CEP70: variants seen among roughly 807,000 people sequenced by gnomAD.
CEP70 encodes centrosomal protein of 70 kDa.
Under a neutral mutation model 90.9 loss-of-function variants are expected in CEP70, and 70 were observed. The observed-to-expected ratio is 0.77, with a 90% CI of 0.64 to 0.94. CEP70 has a LOEUF of 0.94. Ranked by LOEUF, CEP70 falls within the 40% of genes least tolerant of loss-of-function variation. CEP70 has a pLI of 0.00. For synonymous variants in CEP70, 220 were observed against 228.3 expected (o/e 0.96, Z 0.33); for missense variants, 648 against 669.0 (o/e 0.97, Z 0.35).
intron 6 of CEP70, among the ~76,000 whole-genome samples, chr3:138,539,348 T>C (rs778188068): frequency 6.6e-6 from 1 of 152,200 alleles, no homozygotes; most frequent in Non-Finnish European, 1.5e-5. Context: ...TCATGTTATA[T>C]CTCTATATTC....
chr3:138,560,537 T>C (rs570652560), intron 6 of CEP70, among the ~76,000 whole-genome samples: 1 of 151,560 alleles, frequency 6.6e-6, no homozygotes, highest in South Asian at 2.1e-4. Context: ...TTTGCTCCCC[T>C]GGAAAGGGGA....
intron 6 of CEP70, among the ~76,000 whole-genome samples, chr3:138,549,932 C>T (rs978544392): frequency 2.0e-4 from 30 of 152,094 alleles, no homozygotes; most frequent in African/African-American, 7.2e-4. Flanking sequence ...GCCTGGTAGC[C>T]CTTCTGGGTG....
At chr3:138,534,493 A>G (rs570532376) in intron 7 of CEP70, among the ~76,000 whole-genome samples, 21 of 152,324 alleles carry the variant, frequency 1.4e-4, no homozygotes, top group Non-Finnish European at 2.9e-5. Context: ...AGTGATTGTA[A>G]CCAATTATCT....
At chr3:138,503,589 T>C (rs2034712252) in intron 13 of CEP70, among the ~76,000 whole-genome samples, 1 of 152,214 alleles carries the variant, frequency 6.6e-6, no homozygotes, top group South Asian at 2.1e-4. Context: ...GTAGTATTAA[T>C]ATCTGAAGCA....
At position 138,500,643 on chromosome 3, in the gene CEP70, A is replaced by G; in HGVS notation, c.1369-76T>C. 7 of 1,504,648 alleles carry G rather than the reference A, an allele frequency of 4.7e-6. No individual in the cohort carries two copies. The South Asian group carries it at 9.5e-5, about 20-fold the overall frequency. 93.2% of individuals were successfully genotyped at this position (1,504,648 alleles called of 1,614,324 possible). ...CCAAATAAAAACTTTTAAAAGACAA[A>G]TAGAACTCTAGTAGAACAAATATCA... is the stretch of plus-strand genomic sequence containing the variant. On this transcript the variant is annotated intron_variant, in intron 14 of 17. Transcript: ENST00000264982.
intron 16 of CEP70, 68 bp downstream of exon 16, chr3:138,500,042 G>A (rs908023177): frequency 4.1e-5 from 43 of 1,036,944 alleles, no homozygotes; most frequent in Non-Finnish European, 7.6e-6. Context: ...AAGTAGCTGG[G>A]ACTACAGGCG....
intron 6 of CEP70, among the ~76,000 whole-genome samples, chr3:138,565,083 C>T (rs968929041): frequency 6.6e-6 from 1 of 152,156 alleles, no homozygotes; most frequent in African/African-American, 2.4e-5. Context: ...CATGAGTGAA[C>T]TCCCATTCAC....
intron 3 of CEP70, among the ~76,000 whole-genome samples, chr3:138,572,491 A>G (rs1047725008): frequency 1.3e-5 from 2 of 152,232 alleles, no homozygotes; most frequent in Non-Finnish European, 2.9e-5. Flanking sequence ...ATAAAGTCAC[A>G]TATTTTGAAT....
At chr3:138,564,200 T>C (rs1399974005) in intron 6 of CEP70, among the ~76,000 whole-genome samples, 3 of 152,190 alleles carry the variant, frequency 2.0e-5, no homozygotes, top group Non-Finnish European at 4.4e-5. Flanking sequence ...ATTGAGGCAG[T>C]AATTAATAGC....
intron 10 of CEP70, among the ~76,000 whole-genome samples, chr3:138,526,735 G>C (rs908925160): frequency 9.9e-5 from 15 of 152,262 alleles, no homozygotes; most frequent in Admixed American, 2.6e-4. Context: ...AGTATAATTT[G>C]AGAATGAGAA....
intron 8 of CEP70, among the ~76,000 whole-genome samples, chr3:138,532,202 T>G (rs2037887717): frequency 6.6e-6 from 1 of 152,196 alleles, no homozygotes; most frequent in Non-Finnish European, 1.5e-5. Context: ...GCGGATATAC[T>G]TGGTAACTAC....
At chr3:138,499,941 A>C in intron 16 of CEP70, 169 bp downstream of exon 16, 1 of 555,362 alleles carries the variant, frequency 1.8e-6, no homozygotes, top group African/African-American at 1.9e-5. Context: ...TACTTATTTT[A>C]ATTTTTATTG....
chr3:138,526,017 C>A (rs1461977254), intron 10 of CEP70, among the ~76,000 whole-genome samples: 1 of 152,060 alleles, frequency 6.6e-6, no homozygotes, highest in Non-Finnish European at 1.5e-5. Context: ...GTTCATTATT[C>A]CCATGTATGT....
Position 138,549,185 on chromosome 3 carries a change from G to A in CEP70, c.466-11838C>T, listed in dbSNP as rs185079719. Among the ~76,000 whole-genome samples the A allele has an allele frequency of 1.5e-3, 225 of 151,196 alleles. 1 individual carries two copies. Among genetic ancestry groups the A allele is most frequent in the Non-Finnish European group, 2.2e-3 (146 of 67,878 alleles). On this transcript the variant is annotated intron_variant, in intron 6 of 17. Coordinates refer to ENST00000264982, the MANE Select transcript of CEP70 (RefSeq NM_024491.4). ...GCTGAACTTTCTAACAACTCCAACC[G>A]GACGTGAAGCTTTCTGGCCGAACTC...
intron 2 of CEP70, among the ~76,000 whole-genome samples, chr3:138,590,271 T>C (rs1024851734): frequency 6.6e-6 from 1 of 152,154 alleles, no homozygotes; most frequent in Non-Finnish European, 1.5e-5. Context: ...TGATTCTCAG[T>C]ATGGAAAAAA....
At chr3:138,498,272 A>G (rs1414751485) in intron 16 of CEP70, among the ~76,000 whole-genome samples, 162 bp from the exon 17 acceptor site, 2 of 151,956 alleles carry the variant, frequency 1.3e-5, no homozygotes, top group African/African-American at 2.4e-5. Context: ...TGTTAATCCA[A>G]TATCACTTTT....
intron 2 of CEP70, among the ~76,000 whole-genome samples, chr3:138,574,632 T>A (rs1408725936): frequency 6.6e-6 from 1 of 152,194 alleles, no homozygotes; most frequent in Non-Finnish European, 1.5e-5. Context: ...ACGGACAGAC[T>A]GCCTACTCAA....
At chr3:138,542,743 T>C (rs1420368831) in intron 6 of CEP70, among the ~76,000 whole-genome samples, 2 of 152,216 alleles carry the variant, frequency 1.3e-5, no homozygotes, top group African/African-American at 4.8e-5. Flanking sequence ...AGGAACGTGT[T>C]ACAGCTCCTT....
Position 138,505,339 on chromosome 3 carries a change from C to G in CEP70, c.1177G>C (p.Val393Leu). Residue 393 changes from valine to leucine, a missense_variant, in exon 13 of 18, where the codon GTT becomes CTT. Coordinates refer to ENST00000264982, the MANE Select transcript of CEP70 (RefSeq NM_024491.4). Reference sequence around the variant, plus strand: ...TCTGCCCACATTTCTATTACAGGAACAAGATGCTCAAATCCACAATCTTGA... The same window carrying G: ...TCTGCCCACATTTCTATTACAGGAAGAAGATGCTCAAATCCACAATCTTGA... ...LVQDCGFEHL[V>L]PVIEMWADQL... 6.2e-7 allele frequency: 1 copy of G among 1,612,244 alleles called. No individual in the cohort carries two copies. The highest frequency in any genetic ancestry group is 8.5e-7 in the Non-Finnish European group (1 of 1,179,288).
Sources: allele counts gnomAD v4.1 joint callset (sites outside exome capture counted in the v4.1 genomes callset), GRCh38; gene constraint gnomAD v4.1.1; transcripts MANE v1.5; gene names NCBI Gene and HGNC (gene_info 2026-07-23, HGNC 2026-07-21).